Variants in ARB2A observed in about 807,000 individuals in gnomAD.
ARB2A encodes ARB2 cotranscriptional regulator A.
At chr5:93,982,407 T>C in the ARB2A span, among the ~76,000 whole-genome samples, 2 of 152,198 alleles carry the variant, frequency 1.3e-5, no homozygotes, top group African/African-American at 2.4e-5. Flanking sequence ...AAGCTGAATA[T>C]ATATGTATGT....
At chr5:93,948,035 G>A in the ARB2A span, among the ~76,000 whole-genome samples, 1 of 152,074 alleles carries the variant, frequency 6.6e-6, no homozygotes, top group Admixed American at 6.5e-5. Flanking sequence ...CCCAGTAATG[G>A]GATGGCTGGG....
chr5:93,620,248 T>C, the ARB2A span: 1 of 152,214 alleles, frequency 6.6e-6, no homozygotes, highest in Admixed American at 6.5e-5. Context: ...AACAGTCTCT[T>C]CTGAAATCAG....
chr5:93,901,773 AAT>A, the ARB2A span, among the ~76,000 whole-genome samples: 1 of 152,100 alleles, frequency 6.6e-6, no homozygotes, highest in Non-Finnish European at 1.5e-5. Context: ...TGTACAAGGG[AAT>A]AGCTTACAAC....
At chr5:93,672,969 C>T in the ARB2A span, among the ~76,000 whole-genome samples, 1 of 152,282 alleles carries the variant, frequency 6.6e-6, no homozygotes, top group Non-Finnish European at 1.5e-5. Context: ...AGAAACCAAA[C>T]CAAACCAAAC....
At chr5:93,997,544 T>C in the ARB2A span, among the ~76,000 whole-genome samples, 9 of 152,010 alleles carry the variant, frequency 5.9e-5, no homozygotes, top group Admixed American at 5.9e-4. Flanking sequence ...CCACACTTAA[T>C]GTTAGATTTC....
chr5:93,748,993 CT>C, the ARB2A span, among the ~76,000 whole-genome samples: 2 of 151,390 alleles, frequency 1.3e-5, no homozygotes, highest in Admixed American at 6.6e-5. Context: ...ATCCTTTGCA[CT>C]TTCAATGTTG....
the ARB2A span, among the ~76,000 whole-genome samples, chr5:94,003,994 T>C: frequency 3.3e-5 from 5 of 152,296 alleles, no homozygotes; most frequent in East Asian, 9.6e-4. Context: ...GACAGACATA[T>C]AGATCAATAG....
the ARB2A span, among the ~76,000 whole-genome samples, chr5:93,809,896 G>A: frequency 1.3e-5 from 2 of 151,932 alleles, no homozygotes; most frequent in South Asian, 4.1e-4. Flanking sequence ...TCCAATATAT[G>A]GGACAAAATA....
At chr5:93,621,183 T>TGAGGGCGGC in the ARB2A span, 5 of 1,527,222 alleles carry the variant, frequency 3.3e-6, no homozygotes, top group South Asian at 6.2e-5. Flanking sequence ...CCAGGCGCGG[T>TGAGGGCGGC]GAGGGCGGCG....
chr5:93,930,413 C>T, the ARB2A span, among the ~76,000 whole-genome samples: 1 of 152,052 alleles, frequency 6.6e-6, no homozygotes, highest in Non-Finnish European at 1.5e-5. Flanking sequence ...ACTCCTGAGC[C>T]CAGAAAAGTA....
chr5:93,653,654 T>C, the ARB2A span, among the ~76,000 whole-genome samples: 3 of 151,210 alleles, frequency 2.0e-5, no homozygotes, highest in African/African-American at 7.3e-5. Context: ...ACCCAGCATT[T>C]GACCAAGGAG....
the ARB2A span, among the ~76,000 whole-genome samples, chr5:93,633,445 G>T: frequency 6.6e-6 from 1 of 152,032 alleles, no homozygotes. Flanking sequence ...CCTTAATTAG[G>T]CTTAAGGCCT....
chr5:93,689,343 A>G, the ARB2A span, among the ~76,000 whole-genome samples: 1 of 152,198 alleles, frequency 6.6e-6, no homozygotes, highest in East Asian at 1.9e-4. Flanking sequence ...AGCACCTAGT[A>G]TAGAACCTGG....
At chr5:93,719,941 C>G in the ARB2A span, among the ~76,000 whole-genome samples, 1 of 152,096 alleles carries the variant, frequency 6.6e-6, no homozygotes, top group African/African-American at 2.4e-5. Flanking sequence ...GGAGTAGGTT[C>G]CTCCTCTTCC....
the ARB2A span, among the ~76,000 whole-genome samples, chr5:93,986,393 C>T: frequency 7.0e-6 from 1 of 142,732 alleles, no homozygotes; most frequent in African/African-American, 2.6e-5. Context: ...CAGCTGCCCC[C>T]TCTGGGAGGT....
At chr5:94,011,513 C>T in the ARB2A span, among the ~76,000 whole-genome samples, 1 of 152,126 alleles carries the variant, frequency 6.6e-6, no homozygotes, top group African/African-American at 2.4e-5. Flanking sequence ...CCAAGAAATA[C>T]ATGTTAATAA....
the ARB2A span, among the ~76,000 whole-genome samples, chr5:93,772,696 G>T: frequency 2.0e-5 from 3 of 152,132 alleles, no homozygotes; most frequent in Non-Finnish European, 2.9e-5. Context: ...CTCAACTGGG[G>T]GAGAATCTTC....
the ARB2A span, among the ~76,000 whole-genome samples, chr5:93,770,394 C>T: frequency 4.7e-4 from 72 of 152,268 alleles, 2 homozygotes; most frequent in Admixed American, 3.1e-3. Flanking sequence ...TGAAAACTGG[C>T]ACAAGACAGG....
the ARB2A span, among the ~76,000 whole-genome samples, chr5:93,971,124 G>A: frequency 2.0e-5 from 3 of 151,138 alleles, no homozygotes; most frequent in East Asian, 2.0e-4. Context: ...TCAGCCACCC[G>A]AGTAGCTGGG....
Sources: allele counts gnomAD v4.1 joint callset (sites outside exome capture counted in the v4.1 genomes callset), GRCh38; gene constraint gnomAD v4.1.1; transcripts MANE v1.5; gene names NCBI Gene and HGNC (gene_info 2026-07-23, HGNC 2026-07-21).